ZNF233: variants seen among roughly 807,000 people sequenced by gnomAD.
The protein encoded by ZNF233 is zinc finger protein 233.
Under a neutral mutation model 11.6 loss-of-function variants are expected in ZNF233, and 7 were observed. The observed-to-expected ratio is 0.60, with a 90% confidence interval of 0.34 to 1.13. ZNF233 has a LOEUF of 1.13. ZNF233 is among the 50% of genes most tolerant of loss of function. The pLI is 0.03. For synonymous variants in ZNF233, 226 were observed against 268.5 expected (o/e 0.84, Z 1.55); for missense variants, 711 against 785.5 (o/e 0.91, Z 1.13).
In ZNF233 at chr19:44,273,291, G is replaced by C. The variant is rs2123068540; in HGVS notation, c.631G>C (p.Asp211His). 1 of 1,614,032 alleles carries C rather than the reference G, an allele frequency of 6.2e-7. No homozygotes were observed. Among genetic ancestry groups the C allele is most frequent in the East Asian group, 2.2e-5 (1 of 44,876 alleles). ...IDVKNKLCKCDHCVRQRIAHQ... is the reference protein window; with the variant it reads ...IDVKNKLCKCHHCVRQRIAHQ... The stretch of plus-strand genomic sequence containing the variant: ...TGTAAAAAATAAGCTCTGTAAATGT[G>C]ATCATTGTGTTAGGCAAAGAATTGC... Residue 211 changes from aspartate to histidine, a missense_variant, in exon 5 of 5, where the codon GAT becomes CAT. By Grantham distance (81) the Asp-to-His change is moderately conservative (BLOSUM62 -1). Transcript: ENST00000683810.
chr19:44,274,454 G>A lies in ZNF233; in HGVS notation c.1794G>A (p.Arg598=), dbSNP rs767111168. Residue 598 remains arginine, a synonymous_variant, in exon 5 of 5, where the codon AGG becomes AGA. Coordinates refer to ENST00000683810, the MANE Select transcript of ZNF233 (RefSeq NM_001207005.2). ...AACCATACAAATGTGAAGAATGTAG[G>A]AAAGGCTTCATCTGGAACTCATATC... The part of the protein sequence containing the change: ...GEKPYKCEEC[R]KGFIWNSYLH... 2.5e-6 allele frequency: 4 copies of A among 1,613,856 alleles called. No homozygotes were observed. The highest frequency in any genetic ancestry group is 1.1e-5 in the South Asian group (1 of 91,070).
At chr19:44,264,291 A>G (rs1975008718) in intron 1 of ZNF233, 23 bp from the exon 2 acceptor site, 1 of 1,534,826 alleles carries the variant, frequency 6.5e-7, no homozygotes, top group Non-Finnish European at 9.0e-7. Flanking sequence ...CCTGTTTCTC[A>G]TGGCTTCTTT....
chr19:44,274,725 C>T lies in ZNF233; in HGVS notation c.*52C>T, dbSNP rs1164850854. The T allele has an allele frequency of 7.3e-7, 1 of 1,361,870 alleles. No individual in the cohort carries two copies. The highest frequency in any genetic ancestry group is 1.0e-6 in the Non-Finnish European group (1 of 1,004,378). 84.4% of individuals were successfully genotyped at this position (1,361,870 alleles called of 1,614,324 possible). A position where few individuals can be genotyped will look rare whatever the true frequency, so the allele number is the denominator to read the frequency against. On this transcript the variant is annotated 3_prime_UTR_variant, in exon 5 of 5. Transcript: ENST00000683810. ...AGTGTGATAGGGGTGCTCTTCAAGACTTAGACTTCCCATTTTCCTCAGAAA... is the reference window on the plus strand; with the variant it reads ...AGTGTGATAGGGGTGCTCTTCAAGATTTAGACTTCCCATTTTCCTCAGAAA...
At chr19:44,262,154 G>A (rs768820059) in intron 1 of ZNF233, among the ~76,000 whole-genome samples, 1 of 152,168 alleles carries the variant, frequency 6.6e-6, no homozygotes, top group Admixed American at 6.5e-5. Context: ...TTGATTCTGT[G>A]TGCATCAAAT....
chr19:44,272,810 A>C (rs1447923429), intron 4 of ZNF233, 89 bp from the exon 5 acceptor site: 2 of 899,978 alleles, frequency 2.2e-6, no homozygotes, highest in East Asian at 2.5e-5. Context: ...AGGTTTCCCA[A>C]TGTGGTCAAC....
intron 1 of ZNF233, among the ~76,000 whole-genome samples, chr19:44,262,238 G>C (rs1478894383): frequency 6.6e-6 from 1 of 152,172 alleles, no homozygotes; most frequent in Non-Finnish European, 1.5e-5. Flanking sequence ...ACAGATGCTT[G>C]ATTTACTAAT....
rs1404222894 is a variant in ZNF233, at chr19:44,266,838, T to TTA, written c.143-20_143-19dup. The stretch of plus-strand genomic sequence containing the variant: ...AATTTTTGACTATAATGCATTCACT[T>TTA]TATATATATGCCATTTCTTTTTCAC... On this transcript the variant is annotated intron_variant, in intron 3 of 4. Coordinates refer to ENST00000683810, the MANE Select transcript of ZNF233 (RefSeq NM_001207005.2). 3.2e-6 allele frequency: 5 copies of TTA among 1,573,970 alleles called. No individual in the cohort carries two copies. The African/African-American group carries it at 4.1e-5, about 13-fold the overall frequency.
chr19:44,269,653 A>G (rs1975189108), intron 4 of ZNF233, among the ~76,000 whole-genome samples: 1 of 151,942 alleles, frequency 6.6e-6, no homozygotes, highest in Non-Finnish European at 1.5e-5. Flanking sequence ...TATACAGAAA[A>G]CTGTACAAAT....
chr19:44,271,750 T>G (rs1211194455), intron 4 of ZNF233, among the ~76,000 whole-genome samples: 7 of 151,806 alleles, frequency 4.6e-5, no homozygotes, highest in Non-Finnish European at 1.0e-4. Flanking sequence ...GACCTCGTGA[T>G]CCACCTGCCT....
Position 44,274,282 on chromosome 19 carries a change from G to C in ZNF233, c.1622G>C (p.Cys541Ser). ...KGEKPYKCET[C>S]GKGFSQSSHL... is the part of the protein sequence containing the mutation. ...GAGAAGCCATACAAATGTGAGACAT[G>C]TGGGAAGGGCTTTAGTCAGAGTTCG... is the stretch of plus-strand genomic sequence containing the variant. Residue 541 changes from cysteine to serine, a missense_variant, in exon 5 of 5, where the codon TGT becomes TCT. Cys to Ser is a moderately radical substitution (Grantham distance 112). Transcript: ENST00000683810. 6.2e-7 allele frequency: 1 copy of C among 1,613,424 alleles called. No individual in the cohort carries two copies. Among genetic ancestry groups the C allele is most frequent in the Non-Finnish European group, 8.5e-7 (1 of 1,179,458 alleles).
At chr19:44,264,081 C>CT (rs1975001366) in intron 1 of ZNF233, among the ~76,000 whole-genome samples, 1 of 152,180 alleles carries the variant, frequency 6.6e-6, no homozygotes, top group African/African-American at 2.4e-5. Flanking sequence ...GCTGGGATTA[C>CT]AGGTGTGTGC....
rs771940619 is a variant in ZNF233 at position 44,273,441 on chromosome 19, G to C, written c.781G>C (p.Asp261His). The change falls in exon 5 of 5, where the codon GAT becomes CAT. Residue 261 changes from aspartate (D) to histidine (H), a missense_variant. Physicochemically the swap from Asp to His is moderately conservative, Grantham distance 81 (BLOSUM62 -1). Coordinates refer to ENST00000683810, the MANE Select transcript of ZNF233 (RefSeq NM_001207005.2). Reference sequence around the variant, plus strand: ...AATCCAATCAGGAGAGCAAACCTCTGATGAAAATGGAAAAGGCTTAAGTGT... The same window carrying C: ...AATCCAATCAGGAGAGCAAACCTCTCATGAAAATGGAAAAGGCTTAAGTGT... The part of the protein sequence containing the change: ...SIIQSGEQTS[D>H]ENGKGLSVGS... The C allele has an allele frequency of 8.1e-6, 13 of 1,614,186 alleles. No homozygotes were observed. The highest frequency in any genetic ancestry group is 1.6e-4 in the Middle Eastern group (1 of 6,062).
chr19:44,267,000 C>T, intron 4 of ZNF233, 39 bp downstream of exon 4: 1 of 1,510,150 alleles, frequency 6.6e-7, no homozygotes. Context: ...CGGGGTACAG[C>T]CTAGTCCTCT....
chr19:44,259,986 G>A, intron 1 of ZNF233, 48 bp downstream of exon 1: 1 of 446,902 alleles, frequency 2.2e-6, no homozygotes, highest in East Asian at 7.2e-5. Flanking sequence ...TTCCTGGCCT[G>A]GGCGTTGGAC....
rs780198618 is a variant in ZNF233, at chr19:44,274,532, G to A, written c.1872G>A (p.Met624Ile). 3 of 1,613,668 alleles carry A rather than the reference G, an allele frequency of 1.9e-6. No homozygotes were observed. Among genetic ancestry groups the A allele is most frequent in the Middle Eastern group, 1.7e-4 (1 of 6,058 alleles). The change falls in exon 5 of 5, where the codon ATG becomes ATA. Residue 624 changes from methionine to isoleucine, a missense_variant. By Grantham distance (10) the Met-to-Ile change is conservative. Coordinates refer to ENST00000683810, the MANE Select transcript of ZNF233 (RefSeq NM_001207005.2). ...HTGEKPYKCG[M>I]CGKSFSQTSH... Reference sequence around the variant, plus strand: ...GAGAGAAACCCTATAAATGTGGCATGTGTGGTAAGAGCTTCAGTCAGACTT... The same window carrying A: ...GAGAGAAACCCTATAAATGTGGCATATGTGGTAAGAGCTTCAGTCAGACTT...
At chr19:44,269,083 T>C (rs565866792) in intron 4 of ZNF233, among the ~76,000 whole-genome samples, 23 of 152,336 alleles carry the variant, frequency 1.5e-4, no homozygotes, top group African/African-American at 5.5e-4. Flanking sequence ...GTTGACTGCA[T>C]TGCAATCAGG....
At chr19:44,263,534 T>A (rs190887242) in intron 1 of ZNF233, among the ~76,000 whole-genome samples, 91 of 152,320 alleles carry the variant, frequency 6.0e-4, no homozygotes, top group African/African-American at 2.0e-3. Flanking sequence ...AATTAGTATT[T>A]CCTTACGACA....
At chr19:44,260,209 G>A (rs946541117) in intron 1 of ZNF233, 1 of 202,732 alleles carries the variant, frequency 4.9e-6, no homozygotes. Flanking sequence ...TATAATCTTG[G>A]TAGTTTCTTA....
chr19:44,273,518 T>A lies in ZNF233; in HGVS notation c.858T>A (p.His286Gln), dbSNP rs913914617. 3.1e-6 allele frequency: 5 copies of A among 1,614,080 alleles called. No individual in the cohort carries two copies. The highest frequency in any genetic ancestry group is 4.2e-6 in the Non-Finnish European group (5 of 1,180,032). Residue 286 changes from histidine (H) to glutamine (Q), a missense_variant, in exon 5 of 5, where the codon CAT (histidine) becomes CAA (glutamine). Coordinates refer to ENST00000683810, the MANE Select transcript of ZNF233 (RefSeq NM_001207005.2). ...HQQLHLRDKP[H>Q]VNVEYGKGIG... is the part of the protein sequence containing the mutation. ...AACTACACTTAAGAGACAAGCCTCATGTAAATGTTGAGTACGGGAAGGGCA... is the reference window on the plus strand; with the variant it reads ...AACTACACTTAAGAGACAAGCCTCAAGTAAATGTTGAGTACGGGAAGGGCA...
Sources: allele counts gnomAD v4.1 joint callset (sites outside exome capture counted in the v4.1 genomes callset), GRCh38; gene constraint gnomAD v4.1.1; transcripts MANE v1.5; gene names NCBI Gene and HGNC (gene_info 2026-07-23, HGNC 2026-07-21).